The following SLC71A2 variants were observed in gnomAD, a reference collection of about 807,000 sequenced individuals.
SLC71A2 encodes solute carrier family 71 member 2.
the SLC71A2 span, among the ~76,000 whole-genome samples, chr9:94,455,791 C>T: frequency 6.6e-6 from 1 of 152,112 alleles, no homozygotes; most frequent in Non-Finnish European, 1.5e-5. Context: ...CAGTTGGGGG[C>T]ACACCATGCT....
At chr9:94,415,517 T>C in the SLC71A2 span, among the ~76,000 whole-genome samples, 1 of 152,186 alleles carries the variant, frequency 6.6e-6, no homozygotes, top group Admixed American at 6.6e-5. Flanking sequence ...TGTATATGTT[T>C]AGGAAGATCC....
At chr9:94,408,694 A>G in the SLC71A2 span, among the ~76,000 whole-genome samples, 11 of 150,070 alleles carry the variant, frequency 7.3e-5, 1 homozygote, top group African/African-American at 2.5e-5. Flanking sequence ...GACCATTATT[A>G]TCTTCTGTTT....
chr9:94,439,286 C>T, the SLC71A2 span, among the ~76,000 whole-genome samples: 9 of 149,540 alleles, frequency 6.0e-5, no homozygotes, highest in Non-Finnish European at 7.4e-5. Flanking sequence ...GGATTACAGG[C>T]GTGAGCCACA....
At chr9:94,380,184 G>A in the SLC71A2 span, among the ~76,000 whole-genome samples, 8 of 152,172 alleles carry the variant, frequency 5.3e-5, no homozygotes, top group African/African-American at 1.7e-4. Flanking sequence ...GGAGAATGGC[G>A]TGAATCTGGG....
At chr9:94,447,437 C>T in the SLC71A2 span, among the ~76,000 whole-genome samples, 2 of 151,726 alleles carry the variant, frequency 1.3e-5, no homozygotes, top group Admixed American at 1.3e-4. Flanking sequence ...GCCTCGGTCT[C>T]CCAAAATGCT....
chr9:94,424,382 G>A, the SLC71A2 span, among the ~76,000 whole-genome samples: 2 of 151,868 alleles, frequency 1.3e-5, no homozygotes, highest in Non-Finnish European at 2.9e-5. Flanking sequence ...TAACAGGCAT[G>A]CACCACCATG....
At chr9:94,435,557 ATTTC>A in the SLC71A2 span, among the ~76,000 whole-genome samples, 1 of 150,178 alleles carries the variant, frequency 6.7e-6, no homozygotes, top group Non-Finnish European at 1.5e-5. Flanking sequence ...CTACTACCCC[ATTTC>A]TTTCTTTGCC....
At chr9:94,451,826 T>C in the SLC71A2 span, among the ~76,000 whole-genome samples, 1 of 152,222 alleles carries the variant, frequency 6.6e-6, no homozygotes, top group Non-Finnish European at 1.5e-5. Context: ...TTTTTAAAAT[T>C]ATATCCTTGA....
the SLC71A2 span, among the ~76,000 whole-genome samples, chr9:94,434,479 G>A: frequency 3.9e-5 from 6 of 152,248 alleles, no homozygotes; most frequent in East Asian, 1.2e-3. Context: ...ACCACACCTG[G>A]CTAATTTTTG....
chr9:94,391,887 A>T, the SLC71A2 span, among the ~76,000 whole-genome samples: 169 of 149,336 alleles, frequency 1.1e-3, no homozygotes, highest in Non-Finnish European at 1.9e-3. Context: ...TCCAAAAAAA[A>T]TTTTTTTTTT....
the SLC71A2 span, chr9:94,433,026 A>G: frequency 4.2e-4 from 187 of 444,236 alleles, no homozygotes; most frequent in African/African-American, 3.4e-3. Context: ...CACCAGGGAC[A>G]CTGGTCCTGG....
chr9:94,395,694 A>G, the SLC71A2 span, among the ~76,000 whole-genome samples: 1,310 of 152,044 alleles, frequency 8.6e-3, no homozygotes, highest in East Asian at 0.096. Flanking sequence ...GCCCTCCCAC[A>G]TGTCTTCCCT....
chr9:94,454,771 C>T, the SLC71A2 span, among the ~76,000 whole-genome samples: 3 of 152,166 alleles, frequency 2.0e-5, no homozygotes, highest in Admixed American at 1.3e-4. Context: ...CATTACCTAT[C>T]AGTAACATAA....
At chr9:94,419,194 A>G in the SLC71A2 span, among the ~76,000 whole-genome samples, 1 of 151,564 alleles carries the variant, frequency 6.6e-6, no homozygotes, top group Admixed American at 6.6e-5. Context: ...GCTCACTGCA[A>G]CCTCAAACTT....
the SLC71A2 span, among the ~76,000 whole-genome samples, chr9:94,424,180 C>T: frequency 6.6e-6 from 1 of 151,818 alleles, no homozygotes; most frequent in Non-Finnish European, 1.5e-5. Flanking sequence ...TTCTGTTGAG[C>T]TATATTTCCT....
the SLC71A2 span, among the ~76,000 whole-genome samples, chr9:94,378,854 T>G: frequency 2.0e-5 from 3 of 150,968 alleles, no homozygotes; most frequent in Non-Finnish European, 2.9e-5. Context: ...GTGGAAGAAT[T>G]TGTGTAAGAT....
the SLC71A2 span, chr9:94,459,760 T>C: frequency 4.6e-6 from 1 of 219,028 alleles, no homozygotes; most frequent in Non-Finnish European, 9.2e-6. Flanking sequence ...CAGCAATCTT[T>C]CCATGCCCTT....
At chr9:94,451,405 A>G in the SLC71A2 span, 2 of 885,096 alleles carry the variant, frequency 2.3e-6, no homozygotes, top group Non-Finnish European at 3.3e-6. Flanking sequence ...AATATTTCTT[A>G]TTATTTTATA....
At chr9:94,388,577 G>A in the SLC71A2 span, among the ~76,000 whole-genome samples, 1 of 152,082 alleles carries the variant, frequency 6.6e-6, no homozygotes, top group Non-Finnish European at 1.5e-5. Context: ...GTGATGAAAT[G>A]ACTATATGCC....
Sources: gnomAD v4.1 joint callset for allele counts (sites outside exome capture counted in the v4.1 genomes callset) on GRCh38, gnomAD v4.1.1 for gene constraint, MANE v1.5 for transcripts, NCBI Gene and HGNC (gene_info 2026-07-23, HGNC 2026-07-21) for gene names.